SHLD2: variants seen among roughly 807,000 people sequenced by gnomAD.
SHLD2 encodes shieldin complex subunit 2, also known as RINN1-REV7-interacting novel NHEJ regulator 2.
SHLD2 carries 30 observed loss-of-function variants against 73.2 expected under a neutral mutation model. That is an observed-to-expected ratio of 0.41 (90% CI 0.31 to 0.56). The LOEUF (loss-of-function observed/expected upper bound fraction) is 0.56. SHLD2 is among the 20% of genes least tolerant of loss of function. The pLI, the probability that SHLD2 is intolerant of heterozygous loss-of-function variation, is 0.28. For missense variants in SHLD2, 745 were observed against 1,055.9 expected (o/e 0.71, Z 4.08); for synonymous variants, 285 against 370.1 (o/e 0.77, Z 2.64).
intron 3 of SHLD2, among the ~76,000 whole-genome samples, chr10:87,154,844 A>G (rs1846286312): frequency 6.6e-6 from 1 of 152,224 alleles, no homozygotes; most frequent in Non-Finnish European, 1.5e-5. Flanking sequence ...GAAAACTTCG[A>G]AGCAATATTG....
intron 2 of SHLD2, among the ~76,000 whole-genome samples, chr10:87,139,140 G>A (rs531081472): frequency 6.6e-6 from 1 of 152,142 alleles, no homozygotes; most frequent in Non-Finnish European, 1.5e-5. Flanking sequence ...ACAGAGCTGG[G>A]AATAGTTTAT....
intron 2 of SHLD2, among the ~76,000 whole-genome samples, chr10:87,110,135 A>G (rs1842830524): frequency 6.6e-6 from 1 of 151,994 alleles, no homozygotes; most frequent in Non-Finnish European, 1.5e-5. Context: ...CAAAAAATAC[A>G]AAAATTAGCT....
At chr10:87,096,707 C>T (rs759121210) in intron 1 of SHLD2, among the ~76,000 whole-genome samples, 21 of 152,228 alleles carry the variant, frequency 1.4e-4, no homozygotes, top group Non-Finnish European at 2.6e-4. Flanking sequence ...AACGATGGTG[C>T]TTCCCGATAT....
intron 2 of SHLD2, among the ~76,000 whole-genome samples, chr10:87,103,547 A>T (rs1257803783): frequency 2.2e-4 from 33 of 152,170 alleles, no homozygotes. Flanking sequence ...TTGTTTTGCA[A>T]ACTTTTGTGC....
chr10:87,115,890 G>A (rs569565139), intron 2 of SHLD2, among the ~76,000 whole-genome samples: 5 of 152,252 alleles, frequency 3.3e-5, no homozygotes, highest in African/African-American at 1.2e-4. Flanking sequence ...GGTGGAAGGA[G>A]GAGTAGGAAT....
chr10:87,172,649 A>G (rs1307019849), intron 6 of SHLD2, among the ~76,000 whole-genome samples: 1 of 152,092 alleles, frequency 6.6e-6, no homozygotes, highest in Non-Finnish European at 1.5e-5. Flanking sequence ...TCAAGTTCTC[A>G]TCTTAAAAAA....
intron 2 of SHLD2, among the ~76,000 whole-genome samples, chr10:87,131,080 A>C (rs1318566009): frequency 6.6e-6 from 1 of 151,828 alleles, no homozygotes; most frequent in Non-Finnish European, 1.5e-5. Flanking sequence ...AACAAAAACA[A>C]AAACCCCCCA....
chr10:87,143,427 C>G (rs114304554), intron 2 of SHLD2, among the ~76,000 whole-genome samples: 2 of 152,146 alleles, frequency 1.3e-5, no homozygotes, highest in African/African-American at 4.8e-5. Flanking sequence ...TTACACAGAC[C>G]TGGCAGCCAT....
chr10:87,168,370 G>A (rs1458815061), intron 4 of SHLD2, among the ~76,000 whole-genome samples: 3 of 152,166 alleles, frequency 2.0e-5, no homozygotes, highest in African/African-American at 7.2e-5. Flanking sequence ...GCTGAGGCAG[G>A]CAGATTGCTT....
At chr10:87,095,471 C>T (rs1841768192) in intron 1 of SHLD2, among the ~76,000 whole-genome samples, 1 of 152,072 alleles carries the variant, frequency 6.6e-6, no homozygotes, top group Non-Finnish European at 1.5e-5. Context: ...TGTCCTCTGG[C>T]GGCCTCAGGC....
Position 87,190,569 on chromosome 10 carries a change from A to G in SHLD2, c.2601A>G (p.Leu867=), listed in dbSNP as rs780649637. The part of the protein sequence containing the change: ...LLAVSAEPCV[L]KIQSLFVLDE... Reference sequence around the variant, plus strand: ...CAGTCAGCGCAGAACCTTGTGTATTAAAGATTCAGAGCCTTTTTGTGTTAG... The same window carrying G: ...CAGTCAGCGCAGAACCTTGTGTATTGAAGATTCAGAGCCTTTTTGTGTTAG... Residue 867 remains leucine, a synonymous_variant, in exon 10 of 10, where the codon TTA becomes TTG. Coordinates refer to ENST00000298786, the MANE Select transcript of SHLD2 (RefSeq NM_001330112.2). 1.8e-5 allele frequency: 29 copies of G among 1,611,816 alleles called. No homozygotes were observed. In the South Asian group the frequency reaches 2.7e-4, roughly 15 times the overall value.
At chr10:87,169,401 A>C (rs1416920809) in intron 4 of SHLD2, among the ~76,000 whole-genome samples, 1 of 152,010 alleles carries the variant, frequency 6.6e-6, no homozygotes, top group Non-Finnish European at 1.5e-5. Flanking sequence ...TTTACTTTTA[A>C]AAACTTTTAT....
chr10:87,102,876 G>A (rs1161980819), intron 2 of SHLD2, among the ~76,000 whole-genome samples: 2 of 151,894 alleles, frequency 1.3e-5, no homozygotes, highest in Non-Finnish European at 2.9e-5. Context: ...ATTTTTTAAA[G>A]AGATTACTTT....
upstream of SHLD2, chr10:87,094,755 C>T (rs954387375): frequency 3.9e-6 from 6 of 1,537,764 alleles, no homozygotes; most frequent in Admixed American, 9.3e-5. The surrounding 1 kb of genome is among the most constrained non-coding windows in gnomAD (Gnocchi z 6.6). Flanking sequence ...GCGCTTCGCC[C>T]AGGTAGCGGT....
chr10:87,140,428 A>G (rs61469117), intron 2 of SHLD2, among the ~76,000 whole-genome samples: 2,283 of 151,430 alleles, frequency 0.015, 70 homozygotes, highest in African/African-American at 0.052. Flanking sequence ...TCAAAAAAAA[A>G]AAAAAAAGAA....
chr10:87,132,160 A>C (rs557479225), intron 2 of SHLD2, among the ~76,000 whole-genome samples: 1 of 152,202 alleles, frequency 6.6e-6, no homozygotes, highest in Non-Finnish European at 1.5e-5. Context: ...TTGCCTCTAG[A>C]TGTTTTTTAC....
At position 87,151,304 on chromosome 10, in the gene SHLD2, A is replaced by C. The variant is rs1845994323; in HGVS notation, c.-5-46A>C. 1.2e-5 allele frequency: 14 copies of C among 1,123,374 alleles called. 1 individual carries two copies. Among genetic ancestry groups the C allele is most frequent in the Non-Finnish European group, 1.7e-5 (14 of 802,594 alleles). The allele number at this position is 1,123,374 out of a possible 1,614,324, so 69.6% of individuals were successfully genotyped here. A position where few individuals can be genotyped will look rare whatever the true frequency, so the allele number is the denominator to read the frequency against. On this transcript the variant is annotated intron_variant, in intron 2 of 9. Transcript: ENST00000298786. Reference sequence around the variant, plus strand: ...TTATTAAGTTAATATCCATATGCAAAAATATGCTGACAATATATTAATTTT... The same window carrying C: ...TTATTAAGTTAATATCCATATGCAACAATATGCTGACAATATATTAATTTT...
intron 2 of SHLD2, among the ~76,000 whole-genome samples, chr10:87,132,236 G>C (rs550970334): frequency 1.3e-4 from 19 of 151,988 alleles, no homozygotes; most frequent in South Asian, 1.2e-3. Flanking sequence ...GTCAGAATTG[G>C]TGTCATTTGT....
chr10:87,173,331 C>T (rs1378946128), intron 6 of SHLD2, among the ~76,000 whole-genome samples: 3 of 152,126 alleles, frequency 2.0e-5, no homozygotes, highest in Admixed American at 1.3e-4. Context: ...CGCACCCGGC[C>T]AGCATAATGA....
Sources: gnomAD v4.1 joint callset for allele counts (sites outside exome capture counted in the v4.1 genomes callset) on GRCh38, gnomAD v4.1.1 for gene constraint, Gnocchi (gnomAD v3.1) non-coding constraint, MANE v1.5 for transcripts, NCBI Gene and HGNC (gene_info 2026-07-23, HGNC 2026-07-21) for gene names.